Variants in LAMA1 observed in about 807,000 individuals in gnomAD.
LAMA1 encodes laminin subunit alpha 1, also known as laminin subunit alpha-1.
LAMA1 carries 219 observed loss-of-function variants against 348.7 expected under a neutral mutation model. The observed-to-expected ratio is 0.63, with a 90% CI of 0.56 to 0.70. The LOEUF (loss-of-function observed/expected upper bound fraction) is 0.70. Ranked by LOEUF, LAMA1 falls within the 30% of genes least tolerant of loss-of-function variation. The probability of loss-of-function intolerance (pLI) is 0.00; values close to 1 mark genes in which losing one functional copy is unlikely to be tolerated. For synonymous variants in LAMA1, 1,487 were observed against 1,491.0 expected (o/e 1.00, Z 0.06); for missense variants, 3,744 against 3,888.0 (o/e 0.96, Z 0.99).
At chr18:7,089,334 G>A (rs978997955) in intron 1 of LAMA1, among the ~76,000 whole-genome samples, 4 of 146,680 alleles carry the variant, frequency 2.7e-5, no homozygotes, top group Admixed American at 7.0e-5. Flanking sequence ...AGCCAAGATC[G>A]TGCCACTGCA....
At chr18:7,039,024 G>T in intron 10 of LAMA1, 74 bp from the exon 11 acceptor site, 1 of 1,259,002 alleles carries the variant, frequency 7.9e-7, no homozygotes, top group Non-Finnish European at 1.2e-6. Flanking sequence ...ACATTAACAA[G>T]ATAGGTGTTC....
chr18:7,058,378 T>C (rs1025685720), intron 3 of LAMA1, among the ~76,000 whole-genome samples: 2 of 152,156 alleles, frequency 1.3e-5, no homozygotes, highest in African/African-American at 4.8e-5. Flanking sequence ...CTGAGAGTGG[T>C]AAGTCTGATA....
Position 6,986,142 on chromosome 18 carries a change from A to G in LAMA1, c.5374T>C (p.Phe1792Leu), listed in dbSNP as rs1310939633. The G allele has an allele frequency of 6.2e-7, 1 of 1,614,150 alleles. No homozygotes were observed. Among genetic ancestry groups the G allele is most frequent in the African/African-American group, 1.3e-5 (1 of 75,050 alleles). Residue 1792 changes from phenylalanine to leucine, a missense_variant, in exon 37 of 63, where the codon TTC becomes CTC. Coordinates refer to ENST00000389658, the MANE Select transcript of LAMA1 (RefSeq NM_005559.4). ...LLMVNANLRE[F>L]SDKKLHVQEE... ...AGAGAGCAAGTGAGACTCACACTGA[A>G]TTCTCTCAGATTAGCATTGACCATG... is the stretch of plus-strand genomic sequence containing the variant.
At chr18:7,030,067 T>A (rs988103988) in intron 16 of LAMA1, among the ~76,000 whole-genome samples, 2 of 152,154 alleles carry the variant, frequency 1.3e-5, no homozygotes, top group African/African-American at 2.4e-5. Context: ...AAATTTTTAT[T>A]ATTTTTGCCC....
chr18:6,965,950 C>G (rs1426836992), intron 49 of LAMA1, 197 bp downstream of exon 49: 1 of 621,532 alleles, frequency 1.6e-6, no homozygotes, highest in South Asian at 2.1e-5. Flanking sequence ...TCTAAAGGTT[C>G]TACAATGATA....
At position 7,091,100 on chromosome 18, in the gene LAMA1, AT is replaced by A. The variant is rs1297561351; in HGVS notation, c.62-10644del. On this transcript the variant is annotated intron_variant, in intron 1 of 62. Coordinates refer to ENST00000389658, the MANE Select transcript of LAMA1 (RefSeq NM_005559.4). ...AATGCTCATATTCAATGACTCTGTG[AT>A]TTTTCATTTAGTATACAAGTTTAGT... 8.5e-5 allele frequency among the ~76,000 whole-genome samples: 13 copies of A among 152,192 alleles called. No homozygotes were observed. The East Asian group carries it at 2.5e-3, about 29-fold the overall frequency.
intron 11 of LAMA1, 103 bp downstream of exon 11, chr18:7,038,707 G>T (rs2058007120): frequency 1.4e-6 from 2 of 1,449,024 alleles, no homozygotes; most frequent in Middle Eastern, 2.4e-4. Context: ...GATGAGAGTG[G>T]TGTCACGGGA....
chr18:7,034,776 G>A (rs774130872), intron 13 of LAMA1, 86 bp from the exon 14 acceptor site: 16 of 1,324,480 alleles, frequency 1.2e-5, no homozygotes, highest in East Asian at 2.5e-5. Flanking sequence ...ATTCAGCAAC[G>A]TGGTTTTTCA....
chr18:6,997,878 T>A lies in LAMA1; in HGVS notation c.4670A>T (p.Asp1557Val). 2 of 1,614,128 alleles carry A rather than the reference T, an allele frequency of 1.2e-6. No homozygotes were observed. The highest frequency in any genetic ancestry group is 1.7e-6 in the Non-Finnish European group (2 of 1,180,034). The change falls in exon 33 of 63, where the codon GAT becomes GTT. Residue 1557 changes from aspartate (D) to valine (V), a missense_variant. Physicochemically the swap from Asp to Val is radical, Grantham distance 152. Around this residue, in one of 3 missense-constraint regions of LAMA1, gnomAD observed 1,983 missense variants for 1,934.3 expected, o/e 1.03. Coordinates refer to ENST00000389658, the MANE Select transcript of LAMA1 (RefSeq NM_005559.4). ...ILMETDCVSC[D>V]DECVGVLLND... The stretch of plus-strand genomic sequence containing the variant: ...CAGCAGCACACCTACACACTCATCA[T>A]CACAGGCTACAAGACAAATTTTTAA...
At chr18:7,058,700 C>T (rs1462750242) in intron 3 of LAMA1, among the ~76,000 whole-genome samples, 1 of 152,214 alleles carries the variant, frequency 6.6e-6, no homozygotes, top group Non-Finnish European at 1.5e-5. Flanking sequence ...ACTCTGCTGA[C>T]ACCTTGACCT....
intron 19 of LAMA1, among the ~76,000 whole-genome samples, chr18:7,018,705 CTT>C (rs2057901496): frequency 2.0e-5 from 3 of 152,212 alleles, no homozygotes; most frequent in South Asian, 4.1e-4. Flanking sequence ...CCCAGGCACT[CTT>C]TATAAATGTG....
intron 3 of LAMA1, among the ~76,000 whole-genome samples, chr18:7,073,822 TTGTGTG>T (rs112415914): frequency 3.6e-5 from 5 of 139,808 alleles, no homozygotes; most frequent in Non-Finnish European, 6.2e-5. Flanking sequence ...ACCATACTGG[TTGTGTG>T]TGTGTGTGTG....
Position 7,058,759 on chromosome 18 carries a change from G to A in LAMA1, c.346-7823C>T, listed in dbSNP as rs186090537. 5.9e-5 allele frequency among the ~76,000 whole-genome samples: 9 copies of A among 152,300 alleles called. No homozygotes were observed. The East Asian group carries it at 1.7e-3, about 29-fold the overall frequency. On this transcript the variant is annotated intron_variant, in intron 3 of 62. Coordinates refer to ENST00000389658, the MANE Select transcript of LAMA1 (RefSeq NM_005559.4). Reference sequence around the variant, plus strand: ...GAGGACATTAATGTCTCTTGCTTAAGCTGTCCAGTTGGTGCTACTTGTTAC... The same window carrying A: ...GAGGACATTAATGTCTCTTGCTTAAACTGTCCAGTTGGTGCTACTTGTTAC...
At position 6,986,295 on chromosome 18, in the gene LAMA1, C is replaced by T. The variant is rs748262037; in HGVS notation, c.5221G>A (p.Glu1741Lys). 3.7e-6 allele frequency: 6 copies of T among 1,614,210 alleles called. No homozygotes were observed. In the Admixed American group the frequency reaches 8.3e-5, roughly 22 times the overall value. Residue 1741 changes from glutamate (E) to lysine (K), a missense_variant, in exon 37 of 63, where the codon GAA (glutamate) becomes AAA (lysine). Around this residue, in one of 3 missense-constraint regions of LAMA1, gnomAD observed 1,983 missense variants for 1,934.3 expected, o/e 1.03. Transcript: ENST00000389658. ...GCTTCTTTCAATACCTCCAATTCTT[C>T]CAGCGGCTTCTGGTAATTTTCCTGA... ...QIQENYQKPL[E>K]ELEVLKEAAS...
chr18:7,047,809 T>C (rs536179086), intron 5 of LAMA1, among the ~76,000 whole-genome samples: 62 of 152,052 alleles, frequency 4.1e-4, no homozygotes, highest in African/African-American at 1.4e-3. Flanking sequence ...GCTAGAACAA[T>C]TGCATATACA....
intron 1 of LAMA1, among the ~76,000 whole-genome samples, chr18:7,096,571 CTT>C (rs563910176): frequency 2.6e-5 from 4 of 152,000 alleles, no homozygotes; most frequent in Non-Finnish European, 5.9e-5. Flanking sequence ...GGGAAGATCT[CTT>C]GAGCCCAGGA....
intron 3 of LAMA1, among the ~76,000 whole-genome samples, chr18:7,074,102 G>C (rs942093559): frequency 1.1e-4 from 16 of 152,008 alleles, no homozygotes; most frequent in African/African-American, 2.4e-5. Context: ...CAAAGTGCTG[G>C]GATTACAGAC....
Position 6,985,238 on chromosome 18 carries a change from TG to T in LAMA1, c.5658del (p.Tyr1886Ter), listed in dbSNP as rs753392876. On this transcript the variant is annotated frameshift_variant and splice_region_variant, in exon 39 of 63. Transcript: ENST00000389658. LOFTEE classifies it high-confidence loss of function. The stretch of plus-strand genomic sequence containing the variant: ...GTTCCCACAAAGGCGTGTTCCTACC[TG>T]TACAGAACATCTGCTAGTCTCTGGA... ...AEFQRLADVL[Y>X]SGLENIRNVS... The T allele has an allele frequency of 6.2e-7, 1 of 1,614,122 alleles. No homozygotes were observed. Among genetic ancestry groups the T allele is most frequent in the East Asian group, 2.2e-5 (1 of 44,874 alleles).
At chr18:6,990,438 G>A (rs1391719369) in intron 36 of LAMA1, among the ~76,000 whole-genome samples, 1 of 152,134 alleles carries the variant, frequency 6.6e-6, no homozygotes, top group Non-Finnish European at 1.5e-5. Flanking sequence ...CAACTCAGAT[G>A]TGTGGGGGGC....
Sources: gnomAD v4.1 joint callset for allele counts (sites outside exome capture counted in the v4.1 genomes callset) on GRCh38, gnomAD v4.1.1 for gene constraint, gnomAD v4.1.1 regional missense constraint, MANE v1.5 for transcripts, NCBI Gene and HGNC (gene_info 2026-07-23, HGNC 2026-07-21) for gene names.